The following SCHIP1 variants were observed in gnomAD, a reference collection of about 807,000 sequenced individuals.
SCHIP1 encodes the protein schwannomin-interacting protein 1.
In SCHIP1, 8 loss-of-function variants were observed where a neutral mutation model predicts 29.7. The ratio of observed to expected loss-of-function variants is 0.27; its 90% CI spans 0.16 to 0.49. SCHIP1 has a LOEUF of 0.49. Among genes scored for constraint, SCHIP1 ranks in the 20% least tolerant of loss-of-function variants. The pLI is 0.99. For synonymous variants in SCHIP1, 76 were observed against 94.9 expected (o/e 0.80, Z 1.16); for missense variants, 193 against 294.6 (o/e 0.66, Z 2.52).
At chr3:159,775,448 G>T in the SCHIP1 span, among the ~76,000 whole-genome samples, 1 of 152,162 alleles carries the variant, frequency 6.6e-6, no homozygotes, top group Non-Finnish European at 1.5e-5. Flanking sequence ...CCAGCTGATT[G>T]GGTCATGCTG....
chr3:159,380,634 C>G, the SCHIP1 span, among the ~76,000 whole-genome samples: 2 of 152,050 alleles, frequency 1.3e-5, no homozygotes, highest in Admixed American at 6.6e-5. Flanking sequence ...AATAATATCT[C>G]TATTTGCTTA....
At chr3:159,779,284 G>T in the SCHIP1 span, among the ~76,000 whole-genome samples, 1 of 152,156 alleles carries the variant, frequency 6.6e-6, no homozygotes, top group Non-Finnish European at 1.5e-5. Context: ...TGGCACATCA[G>T]GATGTTCAAT....
At chr3:159,809,642 G>A in the SCHIP1 span, among the ~76,000 whole-genome samples, 1 of 141,726 alleles carries the variant, frequency 7.1e-6, no homozygotes, top group African/African-American at 2.6e-5. Flanking sequence ...CCTGGGCAAT[G>A]AGAGCAAAAC....
At chr3:159,555,671 C>T in the SCHIP1 span, among the ~76,000 whole-genome samples, 411 of 152,196 alleles carry the variant, frequency 2.7e-3, 4 homozygotes, top group African/African-American at 9.5e-3. Context: ...TATTAAAGGG[C>T]ATGAATTCAC....
the SCHIP1 span, among the ~76,000 whole-genome samples, chr3:159,767,927 C>T: frequency 3.7e-4 from 56 of 152,202 alleles, no homozygotes; most frequent in African/African-American, 1.3e-3. Flanking sequence ...AACTCTATAA[C>T]CTATTGCCTG....
intron 1 of SCHIP1, among the ~76,000 whole-genome samples, chr3:159,847,818 G>T (rs1482595141): frequency 1.3e-5 from 2 of 152,172 alleles, no homozygotes; most frequent in Non-Finnish European, 2.9e-5. Context: ...TAAATGGCCT[G>T]CATATTTTCA....
At chr3:159,309,729 C>T in the SCHIP1 span, among the ~76,000 whole-genome samples, 1 of 152,114 alleles carries the variant, frequency 6.6e-6, no homozygotes. Context: ...GACCTGCAAA[C>T]AACCAGTAAC....
the SCHIP1 span, among the ~76,000 whole-genome samples, chr3:159,645,833 C>G: frequency 6.6e-6 from 1 of 152,088 alleles, no homozygotes; most frequent in Non-Finnish European, 1.5e-5. Flanking sequence ...AGATTTCAGG[C>G]TTGGGTGACT....
the SCHIP1 span, among the ~76,000 whole-genome samples, chr3:159,421,408 G>A: frequency 2.0e-5 from 3 of 152,198 alleles, no homozygotes; most frequent in African/African-American, 7.2e-5. Flanking sequence ...ATGTTGTGGA[G>A]GAGACTATCA....
chr3:159,743,535 A>C, the SCHIP1 span, among the ~76,000 whole-genome samples: 127 of 152,332 alleles, frequency 8.3e-4, no homozygotes, highest in Middle Eastern at 3.4e-3. Context: ...AAAATTACAG[A>C]GTTAGAGAAC....
the SCHIP1 span, among the ~76,000 whole-genome samples, chr3:159,652,325 GTTT>G: frequency 6.6e-6 from 1 of 152,098 alleles, no homozygotes; most frequent in African/African-American, 2.4e-5. Context: ...GTGATTGGTG[GTTT>G]TTTAACATAT....
At chr3:159,317,490 G>A in the SCHIP1 span, among the ~76,000 whole-genome samples, 1,011 of 152,298 alleles carry the variant, frequency 6.6e-3, 6 homozygotes, top group Non-Finnish European at 8.1e-3. Flanking sequence ...CCGGACCCGT[G>A]AATCCTGGTT....
At chr3:159,378,689 CA>C in the SCHIP1 span, among the ~76,000 whole-genome samples, 2 of 152,132 alleles carry the variant, frequency 1.3e-5, no homozygotes, top group Non-Finnish European at 2.9e-5. Flanking sequence ...GGCAGAAAAG[CA>C]AGTAACTGAA....
chr3:159,812,251 G>A, the SCHIP1 span, among the ~76,000 whole-genome samples: 1 of 152,136 alleles, frequency 6.6e-6, no homozygotes, highest in Non-Finnish European at 1.5e-5. Flanking sequence ...GATTACAGGT[G>A]TGAGCCATCG....
chr3:159,699,251 A>G, the SCHIP1 span, among the ~76,000 whole-genome samples: 1 of 152,228 alleles, frequency 6.6e-6, no homozygotes, highest in African/African-American at 2.4e-5. Context: ...TGACAACCTT[A>G]TATAATAAAT....
chr3:159,435,473 G>C, the SCHIP1 span, among the ~76,000 whole-genome samples: 1 of 152,114 alleles, frequency 6.6e-6, no homozygotes, highest in African/African-American at 2.4e-5. Flanking sequence ...TATCAGAGTT[G>C]TCAGTTTTCT....
At chr3:159,491,830 C>G in the SCHIP1 span, among the ~76,000 whole-genome samples, 2 of 152,242 alleles carry the variant, frequency 1.3e-5, no homozygotes, top group African/African-American at 4.8e-5. Flanking sequence ...CCCCAAGTAG[C>G]CTAACTGGGA....
At chr3:159,716,846 A>C in the SCHIP1 span, among the ~76,000 whole-genome samples, 5 of 152,066 alleles carry the variant, frequency 3.3e-5, no homozygotes, top group African/African-American at 4.8e-5. Flanking sequence ...AGAAAGTTAA[A>C]AAGGATATCC....
the SCHIP1 span, among the ~76,000 whole-genome samples, chr3:159,463,246 A>G: frequency 6.6e-6 from 1 of 152,068 alleles, no homozygotes; most frequent in African/African-American, 2.4e-5. Flanking sequence ...TTTTTTGTAA[A>G]TATGTTTTAA....
Sources: gnomAD v4.1 joint callset for allele counts (sites outside exome capture counted in the v4.1 genomes callset) on GRCh38, gnomAD v4.1.1 for gene constraint, MANE v1.5 for transcripts, NCBI Gene and HGNC (gene_info 2026-07-23, HGNC 2026-07-21) for gene names.